Variants in SCAF1 observed in about 807,000 individuals in gnomAD.
SCAF1 encodes splicing factor, arginine/serine-rich 19.
SCAF1 carries 28 observed loss-of-function variants against 91.2 expected under a neutral mutation model. The ratio of observed to expected loss-of-function variants is 0.31; its 90% CI spans 0.23 to 0.42. SCAF1 has a LOEUF of 0.42. SCAF1 is among the 10% of genes least tolerant of loss of function. The probability of loss-of-function intolerance (pLI) is 1.00; values close to 1 mark genes in which losing one functional copy is unlikely to be tolerated. For missense variants in SCAF1, 1,893 were observed against 1,872.1 expected (o/e 1.01, Z -0.21); for synonymous variants, 1,036 against 833.7 (o/e 1.24, Z -4.18).
At position 49,646,506 on chromosome 19, in the gene SCAF1, G is replaced by A. The variant is rs759899037; in HGVS notation, c.262-20G>A. ...TTCATGTGACCAGGGACGGCGTAGA[G>A]CCTCTCTGGCCTCTTCCAGGTGTTG... is the stretch of plus-strand genomic sequence containing the variant. On this transcript the variant is annotated intron_variant, in intron 4 of 10. Coordinates refer to ENST00000360565, the MANE Select transcript of SCAF1 (RefSeq NM_021228.3). This position sits in a 1 kb window ranked among gnomAD's most constrained non-coding sequence, Gnocchi z 5.6. 9.0e-5 allele frequency: 144 copies of A among 1,607,104 alleles called. No homozygotes were observed. The highest frequency in any genetic ancestry group is 1.1e-4 in the Non-Finnish European group (134 of 1,173,920).
rs1403929331 is a variant in SCAF1 at position 49,650,937 on chromosome 19, G to T, written c.548G>T (p.Gly183Val). 1.3e-6 allele frequency: 2 copies of T among 1,599,382 alleles called. No homozygotes were observed. Among genetic ancestry groups the T allele is most frequent in the Non-Finnish European group, 1.7e-6 (2 of 1,172,070 alleles). Residue 183 changes from glycine to valine, a missense_variant, in exon 7 of 11, where the codon GGC becomes GTC. By Grantham distance (109) the Gly-to-Val change is moderately radical (BLOSUM62 -3). Coordinates refer to ENST00000360565, the MANE Select transcript of SCAF1 (RefSeq NM_021228.3). ...RHLTLGTGDGGPAPPPAPSSA... is the reference protein window; with the variant it reads ...RHLTLGTGDGVPAPPPAPSSA... ...CTCACCTTGGGCACGGGAGACGGGG[G>T]CCCTGCCCCACCCCCTGCCCCCTCC...
intron 6 of SCAF1, among the ~76,000 whole-genome samples, chr19:49,649,959 C>T (rs2081076085): frequency 6.6e-6 from 1 of 152,252 alleles, no homozygotes; most frequent in African/African-American, 2.4e-5. Flanking sequence ...TTCCCTGGCA[C>T]TGTCCTCACA....
chr19:49,658,381 G>C lies in SCAF1; in HGVS notation c.3921G>C (p.Leu1307=). 1.3e-6 allele frequency: 2 copies of C among 1,547,256 alleles called. No homozygotes were observed. Among genetic ancestry groups the C allele is most frequent in the Non-Finnish European group, 1.7e-6 (2 of 1,147,318 alleles). The stretch of plus-strand genomic sequence containing the variant: ...CCCCAGACAAGGGTGGCCCGGGCCT[G>C]CCCCTGCCCCCTCTCTGAGAGCCCT... ...PGPPDKGGPG[L]PLPPL Residue 1307 remains leucine, a synonymous_variant, in exon 11 of 11, where the codon CTG becomes CTC. Transcript: ENST00000360565.
chr19:49,654,446 G>A lies in SCAF1; in HGVS notation c.3399+15G>A. 6.2e-7 allele frequency: 1 copy of A among 1,610,222 alleles called. No homozygotes were observed. Among genetic ancestry groups the A allele is most frequent in the Non-Finnish European group, 8.5e-7 (1 of 1,177,408 alleles). ...CCACCAACCAGGTGGGCTCCCCTGG[G>A]GGAGAGTCCCTGCCGCCCCTTCTTT... is the stretch of plus-strand genomic sequence containing the variant. On this transcript the variant is annotated intron_variant, in intron 8 of 10. Coordinates refer to ENST00000360565, the MANE Select transcript of SCAF1 (RefSeq NM_021228.3).
rs1464192958 is a variant in SCAF1, at chr19:49,651,671, A to G, written c.1282A>G (p.Thr428Ala). ...RPTPAASATP[T>A]AQPLPQPPAP... The stretch of plus-strand genomic sequence containing the variant: ...TACACCGGCCGCCTCGGCCACCCCC[A>G]CGGCCCAGCCCCTTCCTCAGCCTCC... The change falls in exon 7 of 11, where the codon ACG becomes GCG. Residue 428 changes from threonine (T) to alanine (A), a missense_variant. By Grantham distance (58) the Thr-to-Ala change is moderately conservative (BLOSUM62 0). Transcript: ENST00000360565. 6 of 1,413,676 alleles carry G rather than the reference A, an allele frequency of 4.2e-6. No homozygotes were observed. In the African/African-American group the frequency reaches 7.7e-5, roughly 18 times the overall value. The allele number at this position is 1,413,676 out of a possible 1,614,324, so 87.6% of individuals were successfully genotyped here.
intron 6 of SCAF1, among the ~76,000 whole-genome samples, chr19:49,648,366 C>T (rs1216877035): frequency 6.6e-6 from 1 of 152,144 alleles, no homozygotes; most frequent in Non-Finnish European, 1.5e-5. Flanking sequence ...CCTGCCTCAA[C>T]CTCCCAAACT....
At position 49,645,083 on chromosome 19, in the gene SCAF1, C is replaced by T. The variant is rs200923973; in HGVS notation, c.57C>T (p.Gly19=). Residue 19 remains glycine, a synonymous_variant, in exon 2 of 11, where the codon GGC becomes GGT. Coordinates refer to ENST00000360565, the MANE Select transcript of SCAF1 (RefSeq NM_021228.3). This position sits in a 1 kb window ranked among gnomAD's most constrained non-coding sequence, Gnocchi z 4.6. ...CAGAGGAGTCGGGGGAGGATCGGGG[C>T]GATGGTCCGCCAGACAGAGACCCCA... The part of the protein sequence containing the change: ...GKTEESGEDR[G]DGPPDRDPTL... 6.3e-5 allele frequency: 101 copies of T among 1,614,094 alleles called. No homozygotes were observed. Among genetic ancestry groups the T allele is most frequent in the Non-Finnish European group, 7.7e-5 (91 of 1,179,972 alleles).
At position 49,652,240 on chromosome 19, in the gene SCAF1, G is replaced by A. The variant is rs765974058; in HGVS notation, c.1851G>A (p.Pro617=). Residue 617 remains proline (P), a synonymous_variant, in exon 7 of 11, where the codon CCG becomes CCA. Transcript: ENST00000360565. ...GGCGGCGCTCCGCCTCCCCGCCCCC[G>A]GCCACTTCCTCATCGTCGTCCTCGA... ...RRRRRSASPP[P]ATSSSSSSRR... is the part of the protein sequence containing the mutation. 2.9e-6 allele frequency: 4 copies of A among 1,395,368 alleles called. No individual in the cohort carries two copies. The highest frequency in any genetic ancestry group is 1.5e-5 in the South Asian group (1 of 65,012). The allele number at this position is 1,395,368 out of a possible 1,614,324, so 86.4% of individuals were successfully genotyped here. A position where few individuals can be genotyped will look rare whatever the true frequency, so the allele number is the denominator to read the frequency against.
rs115730720 is a variant in SCAF1, at chr19:49,655,811, C to A, written c.3618+941C>A. ...TCAGCATCCTGTGTAGCTAGGACTA[C>A]AGGCACGCGCCACCATGCCCAGCTC... On this transcript the variant is annotated intron_variant, in intron 9 of 10. Coordinates refer to ENST00000360565, the MANE Select transcript of SCAF1 (RefSeq NM_021228.3). 3.3e-5 allele frequency among the ~76,000 whole-genome samples: 5 copies of A among 152,304 alleles called. No homozygotes were observed. The East Asian group carries it at 9.7e-4, about 29-fold the overall frequency.
Position 49,651,031 on chromosome 19 carries a change from CCCTGCACCCCCAGCCCCA to C in SCAF1, c.648_665del (p.Pro218_Pro223del). On this transcript the variant is annotated inframe_deletion, in exon 7 of 11. Coordinates refer to ENST00000360565, the MANE Select transcript of SCAF1 (RefSeq NM_021228.3). ...CTTCCCCTCCCCCACCCCCACCGCC[CCCTGCACCCCCAGCCCCA>C]CCTGCCCCCCGATTCGATATCTATG... 1 of 702,414 alleles carries C rather than the reference CCCTGCACCCCCAGCCCCA, an allele frequency of 1.4e-6. No individual in the cohort carries two copies. The highest frequency in any genetic ancestry group is 2.3e-6 in the Non-Finnish European group (1 of 439,928). 43.5% of individuals were successfully genotyped at this position (702,414 alleles called of 1,614,324 possible).
At position 49,651,986 on chromosome 19, in the gene SCAF1, G is replaced by A. The variant is rs2081095766; in HGVS notation, c.1597G>A (p.Ala533Thr). ...RKRSGEAKEA[A>T]SSSSGTQPAP... ...GCGCAGCGGCGAGGCCAAGGAGGCCGCCTCGTCCTCGTCGGGCACCCAGCC... is the reference window on the plus strand; with the variant it reads ...GCGCAGCGGCGAGGCCAAGGAGGCCACCTCGTCCTCGTCGGGCACCCAGCC... Residue 533 changes from alanine to threonine, a missense_variant, in exon 7 of 11, where the codon GCC becomes ACC. Ala to Thr is a moderately conservative substitution (Grantham distance 58). This residue lies in a region of SCAF1 where 1,436 missense variants were observed against 1,306.8 expected (regional missense o/e 1.10). Coordinates refer to ENST00000360565, the MANE Select transcript of SCAF1 (RefSeq NM_021228.3). 5 of 1,196,520 alleles carry A rather than the reference G, an allele frequency of 4.2e-6. No homozygotes were observed. Among genetic ancestry groups the A allele is most frequent in the South Asian group, 1.8e-5 (1 of 56,338 alleles). The allele number at this position is 1,196,520 out of a possible 1,614,324, so 74.1% of individuals were successfully genotyped here.
chr19:49,651,713 G>A lies in SCAF1; in HGVS notation c.1324G>A (p.Glu442Lys). ...LPQPPAPRAP[E>K]GDDFLSLHAE... ...TCAGCCTCCCGCTCCGCGGGCCCCC[G>A]AGGGGGACGACTTCTTGTCCCTGCA... The change falls in exon 7 of 11, where the codon GAG becomes AAG. Residue 442 changes from glutamate to lysine, a missense_variant. Physicochemically the swap from Glu to Lys is moderately conservative, Grantham distance 56. Coordinates refer to ENST00000360565, the MANE Select transcript of SCAF1 (RefSeq NM_021228.3). The A allele has an allele frequency of 7.2e-7, 1 of 1,381,426 alleles. No homozygotes were observed. Among genetic ancestry groups the A allele is most frequent in the Non-Finnish European group, 9.3e-7 (1 of 1,078,664 alleles). The allele number at this position is 1,381,426 out of a possible 1,614,324, so 85.6% of individuals were successfully genotyped here.
chr19:49,644,539 G>T (rs1684546968), intron 1 of SCAF1, among the ~76,000 whole-genome samples: 2 of 152,324 alleles, frequency 1.3e-5, no homozygotes, highest in South Asian at 4.1e-4. Flanking sequence ...AAGCCGTGTG[G>T]TGTTTAAGGC....
rs2081055653 is a variant in SCAF1, at chr19:49,646,480, C to G, written c.262-46C>G. 6.5e-7 allele frequency: 1 copy of G among 1,547,792 alleles called. No homozygotes were observed. The highest frequency in any genetic ancestry group is 8.9e-7 in the Non-Finnish European group (1 of 1,120,892). ...GAGTGGGGAAGCAGGATTTGCCAGT[C>G]TTCATGTGACCAGGGACGGCGTAGA... On this transcript the variant is annotated intron_variant, in intron 4 of 10. Transcript: ENST00000360565. The surrounding 1 kb of genome is among the most constrained non-coding windows in gnomAD (Gnocchi z 5.6).
chr19:49,657,910 G>T, intron 10 of SCAF1, 21 bp downstream of exon 10: 1 of 1,608,380 alleles, frequency 6.2e-7, no homozygotes, highest in Non-Finnish European at 8.5e-7. Context: ...GGAGAGAGGG[G>T]CAGACACAGG....
upstream of SCAF1, among the ~76,000 whole-genome samples, chr19:49,640,645 C>A (rs905890778): frequency 6.6e-6 from 1 of 152,118 alleles, no homozygotes; most frequent in African/African-American, 2.4e-5. Context: ...TCGACCCCGG[C>A]GTCTGGGTTA....
intron 10 of SCAF1, 147 bp from the exon 11 acceptor site, chr19:49,658,061 G>A (rs2081155794): frequency 2.5e-6 from 3 of 1,196,842 alleles, no homozygotes; most frequent in South Asian, 3.0e-5. Context: ...CTGGCCCTGG[G>A]GCACCCATCG....
At chr19:49,648,570 C>G (rs59754300) in intron 6 of SCAF1, among the ~76,000 whole-genome samples, 2 of 146,890 alleles carry the variant, frequency 1.4e-5, no homozygotes, top group Admixed American at 1.4e-4. Flanking sequence ...ACCCCCCCCC[C>G]TTTTTTTTTA....
In SCAF1 at chr19:49,646,530, T is replaced by C. The variant is rs781604388; in HGVS notation, c.266T>C (p.Leu89Ser). 1.1e-5 allele frequency: 18 copies of C among 1,613,804 alleles called. No homozygotes were observed. Among genetic ancestry groups the C allele is most frequent in the Non-Finnish European group, 1.4e-5 (17 of 1,179,900 alleles). ...AGCCTCTCTGGCCTCTTCCAGGTGT[T>C]GGACATGGCCACGGACAGCTTCCTC... Reference protein sequence around the residue: ...ESGGTDTATVLDMATDSFLAG... With the variant: ...ESGGTDTATVSDMATDSFLAG... Residue 89 changes from leucine to serine, a missense_variant, in exon 5 of 11, where the codon TTG (leucine) becomes TCG (serine). By Grantham distance (145) the Leu-to-Ser change is moderately radical. Coordinates refer to ENST00000360565, the MANE Select transcript of SCAF1 (RefSeq NM_021228.3). This position sits in a 1 kb window ranked among gnomAD's most constrained non-coding sequence, Gnocchi z 5.6.
Sources: allele counts gnomAD v4.1 joint callset (sites outside exome capture counted in the v4.1 genomes callset), GRCh38; gene constraint gnomAD v4.1.1; regional missense constraint gnomAD v4.1.1; non-coding constraint Gnocchi (gnomAD v3.1); transcripts MANE v1.5; gene names NCBI Gene and HGNC (gene_info 2026-07-23, HGNC 2026-07-21).